Variants in ANPEP observed in about 807,000 individuals in gnomAD.
The protein encoded by ANPEP is alanyl aminopeptidase, membrane.
Under a neutral mutation model 114.6 loss-of-function variants are expected in ANPEP, and 70 were observed. The observed-to-expected ratio is 0.61, with a 90% CI of 0.50 to 0.75. The LOEUF is 0.75. Ranked by LOEUF, ANPEP falls within the 30% of genes least tolerant of loss-of-function variation. The pLI is 0.00. For synonymous variants in ANPEP, 548 were observed against 522.3 expected (o/e 1.05, Z -0.67); for missense variants, 1,184 against 1,259.5 (o/e 0.94, Z 0.91).
chr15:89,805,379 G>T lies in ANPEP; in HGVS notation c.699C>A (p.Phe233Leu). The T allele has an allele frequency of 6.2e-7, 1 of 1,614,180 alleles. No individual in the cohort carries two copies. Among genetic ancestry groups the T allele is most frequent in the Admixed American group, 1.7e-5 (1 of 60,016 alleles). ...CFDEPAMKAE[F>L]NITLIHPKDL... The stretch of plus-strand genomic sequence containing the variant: ...CCTTGGGGTGGATAAGCGTGATGTT[G>T]AACTCGGCCTTCATGGCCGGCTCAT... Residue 233 changes from phenylalanine to leucine, a missense_variant, in exon 3 of 21, where the codon TTC (phenylalanine) becomes TTA (leucine). By Grantham distance (22) the Phe-to-Leu change is conservative. Transcript: ENST00000300060.
chr15:89,801,319 G>A, intron 11 of ANPEP, 116 bp downstream of exon 11: 6 of 1,541,006 alleles, frequency 3.9e-6, no homozygotes, highest in Non-Finnish European at 5.3e-6. Context: ...CTGGAGGGAG[G>A]GTCTGTCTAC....
At chr15:89,804,796 G>A in intron 4 of ANPEP, 179 bp from the exon 5 acceptor site, 2 of 940,962 alleles carry the variant, frequency 2.1e-6, no homozygotes, top group South Asian at 1.7e-5. Flanking sequence ...TGGAGGCTGT[G>A]GGTCCTAGAG....
Position 89,803,578 on chromosome 15 carries a change from C to T in ANPEP, c.1437+69G>A. On this transcript the variant is annotated intron_variant, in intron 8 of 20. Transcript: ENST00000300060. This position sits in a 1 kb window ranked among gnomAD's most constrained non-coding sequence, Gnocchi z 4.2. Reference sequence around the variant, plus strand: ...CAGGACCCTGTGCCCCCAGACCCTGCCTTCAGTGAGGCCCCTCCAGGCCAA... The same window carrying T: ...CAGGACCCTGTGCCCCCAGACCCTGTCTTCAGTGAGGCCCCTCCAGGCCAA... 3 of 1,601,266 alleles carry T rather than the reference C, an allele frequency of 1.9e-6. No homozygotes were observed. Among genetic ancestry groups the T allele is most frequent in the Non-Finnish European group, 2.6e-6 (3 of 1,174,502 alleles).
chr15:89,790,799 T>A (rs1968606432), intron 19 of ANPEP, among the ~76,000 whole-genome samples, 154 bp downstream of exon 19: 1 of 152,156 alleles, frequency 6.6e-6, no homozygotes, highest in Non-Finnish European at 1.5e-5. Context: ...TACCCCAGCT[T>A]GTCTTTCCAT....
intron 1 of ANPEP, among the ~76,000 whole-genome samples, chr15:89,811,461 A>G (rs1045869663): frequency 6.6e-6 from 1 of 151,768 alleles, no homozygotes; most frequent in African/African-American, 2.4e-5. Flanking sequence ...CCTGGCTAAC[A>G]CGGTGAAACC....
intron 15 of ANPEP, among the ~76,000 whole-genome samples, chr15:89,795,295 G>A (rs1029299147): frequency 6.6e-6 from 1 of 152,104 alleles, no homozygotes; most frequent in South Asian, 2.1e-4. Context: ...AAGTCAACAA[G>A]CTGGAAAACA....
Position 89,799,498 on chromosome 15 carries a change from C to G in ANPEP, c.1881G>C (p.Thr627=), listed in dbSNP as rs756763469. 2 of 1,614,146 alleles carry G rather than the reference C, an allele frequency of 1.2e-6. No homozygotes were observed. Among genetic ancestry groups the G allele is most frequent in the Non-Finnish European group, 1.7e-6 (2 of 1,180,038 alleles). The part of the protein sequence containing the change: ...NEWVLLNLNV[T]GYYRVNYDEE... ...CGTCGTAGTTCACCCGGTAATAGCC[C>G]GTCACATTGAGGTTCAGCAGGACCC... The change falls in exon 13 of 21, where the codon ACG becomes ACC. Residue 627 remains threonine, a synonymous_variant. Transcript: ENST00000300060. This position sits in a 1 kb window ranked among gnomAD's most constrained non-coding sequence, Gnocchi z 4.2.
chr15:89,796,042 C>CCATCTCTACAAAAGATG (rs528521543), intron 15 of ANPEP, among the ~76,000 whole-genome samples: 10 of 152,158 alleles, frequency 6.6e-5, no homozygotes, highest in Non-Finnish European at 1.3e-4. Flanking sequence ...CAGAAAGATC[C>CCATCTCTACAAAAGATG]CATCTCTACA....
At chr15:89,795,588 C>T (rs1000043327) in intron 15 of ANPEP, among the ~76,000 whole-genome samples, 8 of 152,148 alleles carry the variant, frequency 5.3e-5, no homozygotes, top group African/African-American at 4.8e-5. Context: ...CTCTGGGCAT[C>T]GCATCAGCAA....
In ANPEP at chr15:89,803,518, G is replaced by A. The variant is rs778944985; in HGVS notation, c.1438-11C>T. 2.1e-5 allele frequency: 33 copies of A among 1,606,600 alleles called. No homozygotes were observed. The highest frequency in any genetic ancestry group is 1.7e-4 in the Middle Eastern group (1 of 5,940). ...GAGGACTGAGGCGCCCTGGGGTGGG[G>A]GTGAGGGGGCGCTCAGAAGGCTGTG... On this transcript the variant is annotated splice_polypyrimidine_tract_variant and intron_variant, in intron 8 of 20. Transcript: ENST00000300060. The surrounding 1 kb of genome is among the most constrained non-coding windows in gnomAD (Gnocchi z 4.2).
intron 15 of ANPEP, 76 bp from the exon 16 acceptor site, chr15:89,793,202 T>TG (rs554235146): frequency 7.4e-7 from 1 of 1,355,412 alleles, no homozygotes; most frequent in Non-Finnish European, 1.0e-6. Context: ...CCTCTGATGT[T>TG]GGGGGGCAGG....
At position 89,785,467 on chromosome 15, in the gene ANPEP, C is replaced by T; in HGVS notation, c.2786G>A (p.Gly929Asp). The T allele has an allele frequency of 1.2e-6, 2 of 1,614,052 alleles. No homozygotes were observed. The highest frequency in any genetic ancestry group is 2.2e-5 in the East Asian group (1 of 44,880). Residue 929 changes from glycine to aspartate, a missense_variant, in exon 21 of 21, where the codon GGC (glycine) becomes GAC (aspartate). By Grantham distance (94) the Gly-to-Asp change is moderately conservative. Coordinates refer to ENST00000300060, the MANE Select transcript of ANPEP (RefSeq NM_001150.3). The stretch of plus-strand genomic sequence containing the variant: ...CAGGGCCCGGGTGCCTGAGCCGAAG[C>T]CTGTTTCCTCGTTGTCCTTCTTGAA... ...EQFKKDNEET[G>D]FGSGTRALEQ... is the part of the protein sequence containing the mutation.
intron 1 of ANPEP, among the ~76,000 whole-genome samples, chr15:89,812,352 C>T (rs1179355006): frequency 6.6e-6 from 1 of 152,218 alleles, no homozygotes; most frequent in Non-Finnish European, 1.5e-5. Flanking sequence ...AGGGACGAGG[C>T]TGGGCCTGGG....
intron 15 of ANPEP, among the ~76,000 whole-genome samples, chr15:89,793,432 G>T (rs1252587954): frequency 6.6e-6 from 1 of 152,180 alleles, no homozygotes; most frequent in African/African-American, 2.4e-5. Flanking sequence ...TGGGCGCAGT[G>T]GCTCACACTT....
At chr15:89,807,546 A>T (rs1175337387) in intron 1 of ANPEP, among the ~76,000 whole-genome samples, 2 of 152,070 alleles carry the variant, frequency 1.3e-5, no homozygotes, top group Non-Finnish European at 2.9e-5. Context: ...TAAAAATACA[A>T]AAAAAATTAG....
At chr15:89,790,677 G>C in intron 19 of ANPEP, 136 bp from the exon 20 acceptor site, 1 of 830,436 alleles carries the variant, frequency 1.2e-6, no homozygotes, top group South Asian at 1.6e-5. Context: ...TAGGATGTGG[G>C]GGAGTCACAG....
In ANPEP at chr15:89,806,279, A is replaced by G. The variant is rs1414871854; in HGVS notation, c.305T>C (p.Val102Ala). The change falls in exon 2 of 21, where the codon GTT (valine) becomes GCT (alanine). Residue 102 changes from valine (V) to alanine (A), a missense_variant. Val to Ala is a moderately conservative substitution (Grantham distance 64). Transcript: ENST00000300060. The surrounding 1 kb of genome is among the most constrained non-coding windows in gnomAD (Gnocchi z 5.7). The stretch of plus-strand genomic sequence containing the variant: ...ACGGACGGTGCTGGAGCCCTTAAAA[A>G]CGTACAGGCCCCTGTCATTGGGGGT... ...YLTPNDRGLY[V>A]FKGSSTVRFT... 1.2e-6 allele frequency: 2 copies of G among 1,613,806 alleles called. No homozygotes were observed. Among genetic ancestry groups the G allele is most frequent in the Non-Finnish European group, 1.7e-6 (2 of 1,179,986 alleles).
Position 89,797,587 on chromosome 15 carries a change from A to G in ANPEP, c.2145T>C (p.Tyr715=), listed in dbSNP as rs1216153340. The G allele has an allele frequency of 1.9e-6, 3 of 1,613,790 alleles. No individual in the cohort carries two copies. Among genetic ancestry groups the G allele is most frequent in the East Asian group, 4.5e-5 (2 of 44,880 alleles). ...FKLMFDRSEV[Y]GPMKNYLKKQ... ...TGCACCTCCGTACCTTCATGGGGCC[A>G]TAGACCTCGGAGCGGTCAAACATGA... The change falls in exon 15 of 21, where the codon TAT becomes TAC. Residue 715 remains tyrosine (Y), a synonymous_variant. Transcript: ENST00000300060.
At position 89,804,267 on chromosome 15, in the gene ANPEP, C is replaced by T. The variant is rs773006801; in HGVS notation, c.1165G>A (p.Glu389Lys). 6.2e-7 allele frequency: 1 copy of T among 1,614,200 alleles called. No individual in the cohort carries two copies. Residue 389 changes from glutamate (E) to lysine (K), a missense_variant, in exon 6 of 21, where the codon GAG (glutamate) becomes AAG (lysine). Glu to Lys is a moderately conservative substitution (Grantham distance 56, BLOSUM62 1). Transcript: ENST00000300060. ...TGGGGGTCTACCTGGTGGGCCAGCT[C>T]ATGAGCAATCACAGTGACCACCCGC... ...KERVVTVIAHELAHQWFGNLV... is the reference protein window; with the variant it reads ...KERVVTVIAHKLAHQWFGNLV...
Sources: allele counts gnomAD v4.1 joint callset (sites outside exome capture counted in the v4.1 genomes callset), GRCh38; gene constraint gnomAD v4.1.1; non-coding constraint Gnocchi (gnomAD v3.1); transcripts MANE v1.5; gene names NCBI Gene and HGNC (gene_info 2026-07-23, HGNC 2026-07-21).